CDC42BPA: variants seen among roughly 807,000 people sequenced by gnomAD.
CDC42BPA encodes CDC42 binding protein kinase alpha.
CDC42BPA carries 80 observed loss-of-function variants against 223.5 expected under a neutral mutation model. The observed-to-expected ratio is 0.36, with a 90% CI of 0.30 to 0.43. CDC42BPA has a LOEUF of 0.43. CDC42BPA is among the 20% of genes least tolerant of loss of function. The pLI is 1.00. For synonymous variants in CDC42BPA, 694 were observed against 718.6 expected (o/e 0.97, Z 0.55); for missense variants, 1,743 against 2,099.9 (o/e 0.83, Z 3.32).
intron 10 of CDC42BPA, among the ~76,000 whole-genome samples, 200 bp from the exon 11 acceptor site, chr1:227,129,431 G>A (rs972637393): frequency 1.3e-5 from 2 of 151,906 alleles, no homozygotes; most frequent in South Asian, 2.1e-4. Context: ...ACTTTGGGAG[G>A]CCAAAGTGGG....
intron 5 of CDC42BPA, among the ~76,000 whole-genome samples, chr1:227,170,971 C>A (rs1217184094): frequency 1.3e-5 from 2 of 152,264 alleles, no homozygotes; most frequent in South Asian, 4.1e-4. Context: ...GAAGAAGCAG[C>A]AAAATAACAT....
intron 1 of CDC42BPA, among the ~76,000 whole-genome samples, chr1:227,281,248 T>C (rs574518748): frequency 2.6e-5 from 4 of 152,328 alleles, no homozygotes; most frequent in African/African-American, 9.6e-5. Flanking sequence ...TTTCTCGTGA[T>C]TGGCTGCTCT....
rs371445800 is a variant in CDC42BPA, at chr1:227,229,955, A to G, written c.271-16736T>C. 2.6e-5 allele frequency among the ~76,000 whole-genome samples: 4 copies of G among 152,136 alleles called. No homozygotes were observed. In the East Asian group the frequency reaches 7.7e-4, roughly 29 times the overall value. On this transcript the variant is annotated intron_variant, in intron 2 of 36. Transcript: ENST00000366766. The stretch of plus-strand genomic sequence containing the variant: ...ATTTATCCTGTCATGGAGTCTTAAG[A>G]ACTGATTTGATTGCAACTGAGTTTC...
intron 34 of CDC42BPA, among the ~76,000 whole-genome samples, chr1:227,006,949 T>TCCAACAA (rs1664201900): frequency 6.8e-6 from 1 of 148,024 alleles, no homozygotes; most frequent in Admixed American, 6.7e-5. Flanking sequence ...AGACTCCGTC[T>TCCAACAA]CAACAACAAC....
At position 227,193,798 on chromosome 1, in the gene CDC42BPA, T is replaced by C. The variant is rs1380219071; in HGVS notation, c.587A>G (p.His196Arg). The change falls in exon 5 of 37, where the codon CAT (histidine) becomes CGT (arginine). Residue 196 changes from histidine to arginine, a missense_variant. Physicochemically the swap from His to Arg is conservative, Grantham distance 29. Transcript: ENST00000366766. Reference protein sequence around the residue: ...VIAIDSVHQLHYVHRDIKPDN... With the variant: ...VIAIDSVHQLRYVHRDIKPDN... The stretch of plus-strand genomic sequence containing the variant: ...AGGACTGTTTTACCTGTGTACATAA[T>C]GTAGCTGATGAACTGAGTCAATTGC... The C allele has an allele frequency of 1.9e-6, 3 of 1,612,050 alleles. No homozygotes were observed. The highest frequency in any genetic ancestry group is 1.7e-4 in the Middle Eastern group (1 of 6,046).
intron 31 of CDC42BPA, among the ~76,000 whole-genome samples, chr1:227,024,067 A>G (rs1027484971): frequency 2.6e-5 from 4 of 152,218 alleles, no homozygotes; most frequent in Admixed American, 2.6e-4. Context: ...CAAAGAAGAA[A>G]AAGATTTACA....
In CDC42BPA at chr1:227,207,357, TTTTC is replaced by T. The variant is rs1161708465; in HGVS notation, c.354+5775_354+5778del. On this transcript the variant is annotated intron_variant, in intron 3 of 36. Transcript: ENST00000366766. ...TGGCATATCTTTTTTTCATCTTTTT[TTTTC>T]TTTTTCTTTTTTTTTTATTATACTT... Among the ~76,000 whole-genome samples, 10 of 145,958 alleles carry T rather than the reference TTTTC, an allele frequency of 6.9e-5. No individual in the cohort carries two copies. The South Asian group carries it at 8.7e-4, about 13-fold the overall frequency.
intron 1 of CDC42BPA, among the ~76,000 whole-genome samples, chr1:227,271,151 G>T (rs1685892186): frequency 6.6e-6 from 1 of 152,062 alleles, no homozygotes; most frequent in Admixed American, 6.6e-5. Flanking sequence ...GCATAAAATG[G>T]CTCAATAAAT....
intron 23 of CDC42BPA, among the ~76,000 whole-genome samples, chr1:227,043,958 C>T (rs76293107): frequency 0.051 from 7,735 of 152,200 alleles, 437 homozygotes; most frequent in East Asian, 0.26. Flanking sequence ...TGGCTGTACC[C>T]GTTTATACTT....
At chr1:227,123,736 C>T (rs1689072543) in intron 11 of CDC42BPA, among the ~76,000 whole-genome samples, 1 of 152,048 alleles carries the variant, frequency 6.6e-6, no homozygotes, top group Admixed American at 6.6e-5. Flanking sequence ...TTCATTTTTC[C>T]CATTATGTAA....
At chr1:227,216,050 G>A (rs185732168) in intron 2 of CDC42BPA, among the ~76,000 whole-genome samples, 267 of 151,854 alleles carry the variant, frequency 1.8e-3, no homozygotes, top group African/African-American at 6.1e-3. Flanking sequence ...ATGTTAATAC[G>A]GAAAAGTTCA....
At chr1:227,266,025 A>G (rs969253717) in intron 1 of CDC42BPA, among the ~76,000 whole-genome samples, 2 of 152,192 alleles carry the variant, frequency 1.3e-5, no homozygotes, top group African/African-American at 4.8e-5. Flanking sequence ...ACAAATGAAT[A>G]TCGTATGTGG....
intron 3 of CDC42BPA, among the ~76,000 whole-genome samples, chr1:227,204,327 T>C (rs1450275704): frequency 2.0e-5 from 3 of 152,174 alleles, no homozygotes; most frequent in Non-Finnish European, 2.9e-5. Flanking sequence ...TAATTTTAAA[T>C]ATAGAAATAA....
chr1:227,101,181 G>A lies in CDC42BPA; in HGVS notation c.2060C>T (p.Thr687Ile). 1 of 1,600,524 alleles carries A rather than the reference G, an allele frequency of 6.2e-7. No homozygotes were observed. Among genetic ancestry groups the A allele is most frequent in the Middle Eastern group, 1.7e-4 (1 of 5,992 alleles). The change falls in exon 15 of 37, where the codon ACC becomes ATC. Residue 687 changes from threonine to isoleucine, a missense_variant. By Grantham distance (89) the Thr-to-Ile change is moderately conservative (BLOSUM62 -1). Transcript: ENST00000366766. ...VCSIEHQQEI[T>I]KLKTDLEKKS... ...CTTTTCCAAATCAGTCTTTAGTTTG[G>A]TTATCTCTTGCTGATGTTCTATGCT...
chr1:227,001,675 G>A (rs1662876360), intron 35 of CDC42BPA, among the ~76,000 whole-genome samples: 1 of 152,234 alleles, frequency 6.6e-6, no homozygotes, highest in South Asian at 2.1e-4. Flanking sequence ...GGGAGGCTGA[G>A]GCGGGCAGAT....
chr1:227,052,516 G>A (rs77278767), intron 21 of CDC42BPA, among the ~76,000 whole-genome samples: 19,579 of 151,922 alleles, frequency 0.13, 1,316 homozygotes, highest in East Asian at 0.26. Context: ...ATATTCAGTC[G>A]CATCCTTTTA....
intron 5 of CDC42BPA, among the ~76,000 whole-genome samples, chr1:227,193,403 T>C (rs1225183803): frequency 1.3e-5 from 2 of 152,002 alleles, no homozygotes; most frequent in African/African-American, 4.8e-5. Flanking sequence ...AAGTGCAGCT[T>C]TGTTACATGG....
chr1:227,092,951 G>A (rs1255829329), intron 15 of CDC42BPA, among the ~76,000 whole-genome samples: 4 of 151,966 alleles, frequency 2.6e-5, no homozygotes, highest in African/African-American at 7.2e-5. Context: ...CCATAATCAC[G>A]AAGCAATCCT....
chr1:227,253,275 C>T (rs1267570486), intron 2 of CDC42BPA, among the ~76,000 whole-genome samples: 2 of 109,686 alleles, frequency 1.8e-5, no homozygotes, highest in Non-Finnish European at 4.1e-5. Flanking sequence ...AGAGCGCGCG[C>T]GCGTGCGCGT....
Sources: allele counts gnomAD v4.1 joint callset (sites outside exome capture counted in the v4.1 genomes callset), GRCh38; gene constraint gnomAD v4.1.1; transcripts MANE v1.5; gene names NCBI Gene and HGNC (gene_info 2026-07-23, HGNC 2026-07-21).